Variants in PRELID1 observed in about 807,000 individuals in gnomAD.
The protein encoded by PRELID1 is PRELI domain containing 1, also known as PRELI domain-containing protein 1, mitochondrial.
PRELID1 carries 15 observed loss-of-function variants against 29.0 expected under a neutral mutation model. That is an observed-to-expected ratio of 0.52 (90% CI 0.35 to 0.80). The LOEUF (loss-of-function observed/expected upper bound fraction) is 0.80, where lower values mean the gene tolerates loss of function less well. PRELID1 is among the 30% of genes least tolerant of loss of function. PRELID1 has a pLI of 0.01. For synonymous variants in PRELID1, 79 were observed against 106.5 expected (o/e 0.74, Z 1.59); for missense variants, 187 against 275.9 (o/e 0.68, Z 2.28).
rs1336179355 is a variant in PRELID1, at chr5:177,306,884, T to C, written c.*314T>C. The stretch of plus-strand genomic sequence containing the variant: ...GCCCGACAAGGGCAGGGCTTTTGGT[T>C]TTGTTCTCTGATGTGTCTCAGTATC... On this transcript the variant is annotated 3_prime_UTR_variant, in exon 5 of 5. Coordinates refer to ENST00000303204, the MANE Select transcript of PRELID1 (RefSeq NM_013237.4). The C allele has an allele frequency of 4.0e-6, 3 of 743,240 alleles. No homozygotes were observed. The highest frequency in any genetic ancestry group is 6.0e-5 in the Admixed American group (2 of 33,460). The allele number at this position is 743,240 out of a possible 1,614,324, so 46.0% of individuals were successfully genotyped here. A position where few individuals can be genotyped will look rare whatever the true frequency, so the allele number is the denominator to read the frequency against.
intron 2 of PRELID1, 26 bp from the exon 3 acceptor site, chr5:177,305,845 C>A (rs773242895): frequency 8.8e-6 from 14 of 1,595,142 alleles, no homozygotes; most frequent in Non-Finnish European, 1.2e-5. Flanking sequence ...AAGACTGTTC[C>A]ACGATTGTGG....
chr5:177,304,602 C>A, intron 1 of PRELID1, 23 bp from the exon 2 acceptor site: 2 of 1,586,744 alleles, frequency 1.3e-6, no homozygotes, highest in South Asian at 1.1e-5. Context: ...TTCTGAGGGT[C>A]ACCTTCACCC....
intron 1 of PRELID1, 25 bp from the exon 2 acceptor site, chr5:177,304,600 G>T (rs369088627): frequency 2.5e-5 from 39 of 1,587,486 alleles, no homozygotes; most frequent in Non-Finnish European, 3.3e-5. Context: ...GCTTCTGAGG[G>T]TCACCTTCAC....
chr5:177,306,620 G>C lies in PRELID1; in HGVS notation c.*50G>C, dbSNP rs184770126. 15 of 1,572,476 alleles carry C rather than the reference G, an allele frequency of 9.5e-6. No individual in the cohort carries two copies. In the Admixed American group the frequency reaches 2.8e-4, roughly 29 times the overall value. On this transcript the variant is annotated 3_prime_UTR_variant, in exon 5 of 5. Coordinates refer to ENST00000303204, the MANE Select transcript of PRELID1 (RefSeq NM_013237.4). ...CCAGACAGCTAGGCTTAGCCTCTCT[G>C]CCCTCCCTTCATTGTACTTTATCAT...
At position 177,306,664 on chromosome 5, in the gene PRELID1, C is replaced by T; in HGVS notation, c.*94C>T. On this transcript the variant is annotated 3_prime_UTR_variant, in exon 5 of 5. Transcript: ENST00000303204. ...TTATCATTAAAAATCAACTTCCAGC[C>T]CTGTCTGCTGTCTACGTGGTGGGTT... 2.0e-6 allele frequency: 3 copies of T among 1,497,938 alleles called. No individual in the cohort carries two copies. The highest frequency in any genetic ancestry group is 2.7e-6 in the Non-Finnish European group (3 of 1,110,576). The allele number at this position is 1,497,938 out of a possible 1,614,324, so 92.8% of individuals were successfully genotyped here.
rs577683736 is a variant in PRELID1 at position 177,304,532 on chromosome 5, C to T, written c.93-93C>T. The T allele has an allele frequency of 5.1e-4, 551 of 1,078,504 alleles. 3 individuals carry two copies. In the Middle Eastern group the frequency reaches 6.9e-3, roughly 13 times the overall value. The allele number at this position is 1,078,504 out of a possible 1,614,324, so 66.8% of individuals were successfully genotyped here. A position where few individuals can be genotyped will look rare whatever the true frequency, so the allele number is the denominator to read the frequency against. On this transcript the variant is annotated intron_variant, in intron 1 of 4. Coordinates refer to ENST00000303204, the MANE Select transcript of PRELID1 (RefSeq NM_013237.4). ...CCTGCAAGGTTACGGGAAGGCGTGG[C>T]CTCTCTAGGCCCGGAGCCTCCAAAT...
At chr5:177,305,683 G>A in intron 2 of PRELID1, 188 bp from the exon 3 acceptor site, 1 of 602,448 alleles carries the variant, frequency 1.7e-6, no homozygotes, top group Non-Finnish European at 3.0e-6. Context: ...CAGAAGAGAG[G>A]TTTTCGAGAG....
intron 2 of PRELID1, chr5:177,305,663 G>GT (rs1469686301): frequency 1.7e-6 from 1 of 578,742 alleles, no homozygotes; most frequent in African/African-American, 1.9e-5. Context: ...TTGCCTTCTA[G>GT]TTTAAGAGTC....
chr5:177,305,651 T>C, intron 2 of PRELID1: 1 of 562,008 alleles, frequency 1.8e-6, no homozygotes, highest in Non-Finnish European at 3.2e-6. Flanking sequence ...GAGAGAGACC[T>C]TTTGCCTTCT....
intron 3 of PRELID1, 23 bp downstream of exon 3, chr5:177,306,007 C>T (rs1240422154): frequency 6.2e-7 from 1 of 1,608,044 alleles, no homozygotes; most frequent in Non-Finnish European, 8.5e-7. Context: ...GTTGGGGCTG[C>T]TGGGGCTCTG....
intron 2 of PRELID1, among the ~76,000 whole-genome samples, chr5:177,305,223 T>C (rs1221834967): frequency 6.6e-6 from 1 of 152,022 alleles, no homozygotes; most frequent in Non-Finnish European, 1.5e-5. Flanking sequence ...TGTTTTTTGT[T>C]TTTTTCTGGT....
At position 177,306,450 on chromosome 5, in the gene PRELID1, G is replaced by A; in HGVS notation, c.540G>A (p.Glu180=). The A allele has an allele frequency of 6.2e-7, 1 of 1,614,068 alleles. No homozygotes were observed. The highest frequency in any genetic ancestry group is 8.5e-7 in the Non-Finnish European group (1 of 1,179,990). Residue 180 remains glutamate, a synonymous_variant, in exon 5 of 5, where the codon GAG becomes GAA. Coordinates refer to ENST00000303204, the MANE Select transcript of PRELID1 (RefSeq NM_013237.4). The part of the protein sequence containing the change: ...QGEAPSKTLV[E]TAKEAKEKAK... Reference sequence around the variant, plus strand: ...AGGCCCCTTCCAAAACACTTGTTGAGACAGCCAAGGAAGCCAAGGAGAAGG... The same window carrying A: ...AGGCCCCTTCCAAAACACTTGTTGAAACAGCCAAGGAAGCCAAGGAGAAGG...
At chr5:177,305,380 T>A in intron 2 of PRELID1, 1 of 192,780 alleles carries the variant, frequency 5.2e-6, no homozygotes, top group Non-Finnish European at 1.1e-5. Flanking sequence ...CTAATTTTTG[T>A]ATTTTTAGTA....
intron 2 of PRELID1, 162 bp from the exon 3 acceptor site, chr5:177,305,709 T>C: frequency 1.6e-6 from 1 of 637,300 alleles, no homozygotes; most frequent in African/African-American, 1.8e-5. Flanking sequence ...CGACCTTATT[T>C]ATGGCTTCTT....
intron 2 of PRELID1, among the ~76,000 whole-genome samples, chr5:177,305,248 C>T (rs1458693346): frequency 6.6e-6 from 1 of 151,648 alleles, no homozygotes; most frequent in Admixed American, 6.6e-5. Context: ...AGAGTCTCAC[C>T]CAGGTTGGAG....
intron 1 of PRELID1, 69 bp downstream of exon 1, chr5:177,304,146 C>T: frequency 2.1e-6 from 3 of 1,418,810 alleles, no homozygotes; most frequent in South Asian, 2.3e-5. Context: ...GGGTAACCCC[C>T]AAGTACTGGG....
Position 177,306,144 on chromosome 5 carries a change from AG to A in PRELID1, c.482del (p.Gly161ValfsTer117). The A allele has an allele frequency of 1.2e-6, 2 of 1,613,908 alleles. No individual in the cohort carries two copies. The highest frequency in any genetic ancestry group is 1.7e-6 in the Non-Finnish European group (2 of 1,179,810). On this transcript the variant is annotated frameshift_variant, in exon 4 of 5. Transcript: ENST00000303204. LOFTEE classifies it high-confidence loss of function. ...RFKSNVTKTM[K>X]GFEYILAKLQ... Reference sequence around the variant, plus strand: ...AAAAGCAACGTGACCAAGACTATGAAGGGTTTTGAATATATCTTGGCTAAGC... The same window carrying A: ...AAAAGCAACGTGACCAAGACTATGAAGGTTTTGAATATATCTTGGCTAAGC...
Position 177,304,063 on chromosome 5 carries a change from C to T in PRELID1, c.78C>T (p.Tyr26=), listed in dbSNP as rs568912315. ...TGTTCGCCGCCTTCTGGCAGCGGTA[C>T]CCGAATCCCTATAGGTACGTGGTAT... is the stretch of plus-strand genomic sequence containing the variant. ...DQVFAAFWQR[Y]PNPYSKHVLT... is the part of the protein sequence containing the mutation. The change falls in exon 1 of 5, where the codon TAC becomes TAT. Residue 26 remains tyrosine, a synonymous_variant. Transcript: ENST00000303204. 9.6e-5 allele frequency: 154 copies of T among 1,611,492 alleles called. 2 individuals carry two copies. The South Asian group carries it at 1.6e-3, about 16-fold the overall frequency.
intron 1 of PRELID1, 42 bp downstream of exon 1, chr5:177,304,119 T>C (rs767637030): frequency 6.4e-7 from 1 of 1,560,558 alleles, no homozygotes; most frequent in Non-Finnish European, 8.8e-7. Flanking sequence ...CATCTCGCTA[T>C]CTGGAGATCG....
Sources: gnomAD v4.1 joint callset for allele counts (sites outside exome capture counted in the v4.1 genomes callset) on GRCh38, gnomAD v4.1.1 for gene constraint, MANE v1.5 for transcripts, NCBI Gene and HGNC (gene_info 2026-07-23, HGNC 2026-07-21) for gene names.